Variants in PLA2G10 observed in about 807,000 individuals in gnomAD.
PLA2G10 encodes the protein phospholipase A2 group X.
Under a neutral mutation model 7.9 loss-of-function variants are expected in PLA2G10, and 9 were observed. The observed-to-expected ratio is 1.14, with a 90% CI of 0.68 to 1.98. PLA2G10 has a LOEUF of 1.98. PLA2G10 is among the 30% of genes most tolerant of loss of function. The probability of loss-of-function intolerance (pLI) is 0.00; values close to 1 mark genes in which losing one functional copy is unlikely to be tolerated. For synonymous variants in PLA2G10, 19 were observed against 27.5 expected (o/e 0.69, Z 0.97); for missense variants, 53 against 65.4 (o/e 0.81, Z 0.66).
At chr16:14,677,280 T>C (rs1960748908) in intron 3 of PLA2G10, among the ~76,000 whole-genome samples, 1 of 152,204 alleles carries the variant, frequency 6.6e-6, no homozygotes, top group Admixed American at 6.5e-5. Context: ...CAGGGCAAAA[T>C]TCTCACAACA....
At chr16:14,686,682 TAG>T (rs1961075921) in intron 3 of PLA2G10, among the ~76,000 whole-genome samples, 1 of 152,084 alleles carries the variant, frequency 6.6e-6, no homozygotes, top group South Asian at 2.1e-4. Flanking sequence ...GTATTTTTAG[TAG>T]AGACAGGGTT....
At position 14,672,871 on chromosome 16, in the gene PLA2G10, G is replaced by A. The variant is rs1474133162; in HGVS notation, c.356-122C>T. 3.8e-5 allele frequency: 33 copies of A among 864,920 alleles called. No individual in the cohort carries two copies. In the East Asian group the frequency reaches 5.6e-4, roughly 15 times the overall value. The allele number at this position is 864,920 out of a possible 1,614,324, so 53.6% of individuals were successfully genotyped here. A position where few individuals can be genotyped will look rare whatever the true frequency, so the allele number is the denominator to read the frequency against. ...TCTGAGACACTTGACAGCCCACCAC[G>A]TGATCTCCATCTGCAGGGCTCCCCA... On this transcript the variant is annotated intron_variant, in intron 3 of 3. Transcript: ENST00000438167.
At chr16:14,687,486 C>T (rs899965011) in intron 3 of PLA2G10, among the ~76,000 whole-genome samples, 5 of 151,852 alleles carry the variant, frequency 3.3e-5, no homozygotes, top group Admixed American at 2.6e-4. Context: ...TGTGCCACCA[C>T]GCCTGGCCAA....
intron 3 of PLA2G10, among the ~76,000 whole-genome samples, chr16:14,676,996 T>C (rs183096016): frequency 6.6e-6 from 1 of 152,278 alleles, no homozygotes; most frequent in African/African-American, 2.4e-5. Flanking sequence ...AAAAGCTATG[T>C]ATTGGGTACA....
intron 3 of PLA2G10, among the ~76,000 whole-genome samples, chr16:14,685,370 C>G (rs1314401078): frequency 7.9e-5 from 5 of 62,942 alleles, no homozygotes; most frequent in African/African-American, 1.2e-4. Flanking sequence ...GATTTCGTGT[C>G]AAAAAAAAAA....
chr16:14,686,890 G>A (rs1386736171), intron 3 of PLA2G10, among the ~76,000 whole-genome samples: 2 of 152,080 alleles, frequency 1.3e-5, no homozygotes, highest in African/African-American at 4.8e-5. Context: ...TGGATCACTT[G>A]AGGTCAGGAG....
chr16:14,679,921 T>G (rs1018767990), intron 3 of PLA2G10, among the ~76,000 whole-genome samples: 3 of 152,046 alleles, frequency 2.0e-5, no homozygotes, highest in African/African-American at 7.2e-5. Context: ...CAACCACTAG[T>G]CTACTTTCTA....
At chr16:14,677,235 T>C (rs1352815796) in intron 3 of PLA2G10, among the ~76,000 whole-genome samples, 5 of 152,336 alleles carry the variant, frequency 3.3e-5, no homozygotes, top group South Asian at 2.1e-4. Flanking sequence ...GTGGGATAGA[T>C]GGATCCCTCA....
chr16:14,685,374 A>G (rs1961024887), intron 3 of PLA2G10, among the ~76,000 whole-genome samples: 1 of 151,480 alleles, frequency 6.6e-6, no homozygotes, highest in African/African-American at 2.4e-5. Flanking sequence ...TCGTGTCAAA[A>G]AAAAAAAAAA....
intron 3 of PLA2G10, among the ~76,000 whole-genome samples, chr16:14,682,936 G>T (rs1192322827): frequency 6.6e-6 from 1 of 152,108 alleles, no homozygotes; most frequent in African/African-American, 2.4e-5. Flanking sequence ...GGGTGTGGTG[G>T]CAGGGGCCTG....
rs753399179 is a variant in PLA2G10 at position 14,672,629 on chromosome 16, G to A, written c.476C>T (p.Pro159Leu). 40 of 1,613,944 alleles carry A rather than the reference G, an allele frequency of 2.5e-5. No individual in the cohort carries two copies. The highest frequency in any genetic ancestry group is 3.0e-5 in the Non-Finnish European group (35 of 1,179,986). The change falls in exon 4 of 4, where the codon CCG becomes CTG. Residue 159 changes from proline (P) to leucine (L), a missense_variant. Pro to Leu is a moderately conservative substitution (Grantham distance 98). Coordinates refer to ENST00000438167, the MANE Select transcript of PLA2G10 (RefSeq NM_003561.3). ...TAGTCAGTCACACTTGGGCGAGTCC[G>A]GCTCACATAGGAACTGGGGGTAGAA... Reference protein sequence around the residue: ...YLFYPQFLCEPDSPKCD With the variant: ...YLFYPQFLCELDSPKCD
Position 14,676,306 on chromosome 16 carries a change from G to T in PLA2G10, c.356-3557C>A, listed in dbSNP as rs59989651. Among the ~76,000 whole-genome samples the T allele has an allele frequency of 3.4e-3, 517 of 152,226 alleles. 10 individuals are homozygous for T. The East Asian group carries it at 0.057, about 17-fold the overall frequency. On this transcript the variant is annotated intron_variant, in intron 3 of 3. Coordinates refer to ENST00000438167, the MANE Select transcript of PLA2G10 (RefSeq NM_003561.3). ...AAATCATTATATCAAAAAGACGTGC[G>T]CGCATTTGTTTATCACAGCACAGTC...
Position 14,672,633 on chromosome 16 carries a change from C to A in PLA2G10, c.472G>T (p.Glu158Ter). The change falls in exon 4 of 4, where the codon GAG (glutamate) becomes TAG (stop). Residue 158 changes from glutamate to a stop codon, truncating the protein, a stop_gained. Transcript: ENST00000438167. LOFTEE classifies it high-confidence loss of function. ...KYLFYPQFLCEPDSPKCD is the reference protein window; with the variant it reads ...KYLFYPQFLC ...CAGTCACACTTGGGCGAGTCCGGCT[C>A]ACATAGGAACTGGGGGTAGAAGAGG... The A allele has an allele frequency of 6.2e-7, 1 of 1,614,114 alleles. No homozygotes were observed. The highest frequency in any genetic ancestry group is 8.5e-7 in the Non-Finnish European group (1 of 1,179,984).
At chr16:14,687,035 G>C (rs1961093118) in intron 3 of PLA2G10, among the ~76,000 whole-genome samples, 1 of 151,802 alleles carries the variant, frequency 6.6e-6, no homozygotes, top group Admixed American at 6.6e-5. Flanking sequence ...TTGAACCCAA[G>C]AGGTGGAGGT....
At chr16:14,679,943 T>C (rs913098394) in intron 3 of PLA2G10, among the ~76,000 whole-genome samples, 1 of 152,100 alleles carries the variant, frequency 6.6e-6, no homozygotes, top group Non-Finnish European at 1.5e-5. Flanking sequence ...TTCTGTGGAT[T>C]TGCCTATTCT....
chr16:14,683,140 A>T (rs1308256699), intron 3 of PLA2G10, among the ~76,000 whole-genome samples: 1 of 152,142 alleles, frequency 6.6e-6, no homozygotes, highest in South Asian at 2.1e-4. Context: ...CTTACAGGTA[A>T]GGAAGCTGGG....
At chr16:14,681,612 AT>A (rs1278905619) in intron 3 of PLA2G10, among the ~76,000 whole-genome samples, 7 of 151,830 alleles carry the variant, frequency 4.6e-5, no homozygotes, top group African/African-American at 9.7e-5. Context: ...ATAGGTTTAA[AT>A]TTTTTTTAAT....
At chr16:14,682,284 A>C (rs1960913996) in intron 3 of PLA2G10, among the ~76,000 whole-genome samples, 2 of 152,194 alleles carry the variant, frequency 1.3e-5, no homozygotes, top group Admixed American at 1.3e-4. Context: ...TGAAGATCTA[A>C]AAACATACTT....
chr16:14,673,020 T>C (rs1022091938), intron 3 of PLA2G10, among the ~76,000 whole-genome samples: 19 of 149,086 alleles, frequency 1.3e-4, no homozygotes, highest in East Asian at 3.9e-4. Flanking sequence ...TCTTTTCTTT[T>C]TTTTTTTTTT....
Sources: gnomAD v4.1 joint callset for allele counts (sites outside exome capture counted in the v4.1 genomes callset) on GRCh38, gnomAD v4.1.1 for gene constraint, MANE v1.5 for transcripts, NCBI Gene and HGNC (gene_info 2026-07-23, HGNC 2026-07-21) for gene names.